The following GRM8 variants were observed in gnomAD, a reference collection of about 807,000 sequenced individuals.
GRM8 encodes glutamate metabotropic receptor 8, also known as metabotropic glutamate receptor 8.
In GRM8, 47 loss-of-function variants were observed where a neutral mutation model predicts 87.2. That is an observed-to-expected ratio of 0.54 (90% CI 0.43 to 0.69). The LOEUF (loss-of-function observed/expected upper bound fraction) is 0.69, where lower values mean the gene tolerates loss of function less well. GRM8 is among the 30% of genes least tolerant of loss of function. GRM8 has a pLI of 0.00. For synonymous variants in GRM8, 396 were observed against 404.5 expected (o/e 0.98, Z 0.25); for missense variants, 1,019 against 1,139.2 (o/e 0.89, Z 1.52).
Position 126,507,195 on chromosome 7 carries a change from G to A in GRM8, c.2430+25757C>T, listed in dbSNP as rs73722633. ...AGTGGTCCTCCTACTTTTACTTTCC[G>A]CAAGTAATTTTCTTGTGGCAATATG... is the stretch of plus-strand genomic sequence containing the variant. On this transcript the variant is annotated intron_variant, in intron 9 of 10. Transcript: ENST00000339582. Among the ~76,000 whole-genome samples, 960 of 152,074 alleles carry A rather than the reference G, an allele frequency of 6.3e-3. 5 individuals are homozygous for A. The highest frequency in any genetic ancestry group is 0.022 in the African/African-American group (915 of 41,506).
chr7:127,192,489 G>A (rs916464417), intron 2 of GRM8, among the ~76,000 whole-genome samples: 2 of 152,192 alleles, frequency 1.3e-5, no homozygotes, highest in Non-Finnish European at 2.9e-5. Flanking sequence ...CTGAGCTCCT[G>A]TGTGTTAATT....
intron 8 of GRM8, among the ~76,000 whole-genome samples, chr7:126,563,216 T>TA (rs1793890251): frequency 6.6e-6 from 1 of 152,188 alleles, no homozygotes; most frequent in Non-Finnish European, 1.5e-5. Flanking sequence ...ACAGTAATTT[T>TA]AAATTCTTGA....
chr7:127,001,355 AAT>A (rs1475006620), intron 3 of GRM8, among the ~76,000 whole-genome samples: 3 of 151,662 alleles, frequency 2.0e-5, no homozygotes, highest in African/African-American at 7.2e-5. Context: ...TTAATATAGA[AAT>A]ATAGACTATA....
intron 2 of GRM8, among the ~76,000 whole-genome samples, chr7:127,231,188 A>G (rs889881230): frequency 6.6e-6 from 1 of 152,192 alleles, no homozygotes. Context: ...AAGTTACAGA[A>G]GGAGAATAGG....
At chr7:126,448,342 T>C (rs550067090) in intron 9 of GRM8, among the ~76,000 whole-genome samples, 1 of 152,078 alleles carries the variant, frequency 6.6e-6, no homozygotes, top group Admixed American at 6.6e-5. Flanking sequence ...CTTAATCTGT[T>C]AGTCTTGCTA....
intron 7 of GRM8, among the ~76,000 whole-genome samples, chr7:126,611,827 C>T (rs1465949806): frequency 1.3e-5 from 2 of 152,156 alleles, no homozygotes; most frequent in African/African-American, 4.8e-5. Context: ...ATATCCAAGT[C>T]AAGAAAGCCT....
At chr7:126,994,955 G>C (rs890935452) in intron 3 of GRM8, among the ~76,000 whole-genome samples, 1 of 152,146 alleles carries the variant, frequency 6.6e-6, no homozygotes, top group African/African-American at 2.4e-5. Context: ...GTACTGTGCT[G>C]GCTTCAGGTC....
intron 6 of GRM8, among the ~76,000 whole-genome samples, chr7:126,835,075 C>CA (rs1330849500): frequency 0.014 from 1,179 of 84,436 alleles, 7 homozygotes; most frequent in African/African-American, 0.043. Context: ...AACTCTATCT[C>CA]AAAAAAAAAA....
intron 3 of GRM8, among the ~76,000 whole-genome samples, chr7:126,941,215 A>T (rs1806883750): frequency 1.3e-5 from 2 of 152,192 alleles, no homozygotes; most frequent in Admixed American, 6.5e-5. Context: ...TTTCAATCTC[A>T]GCAGAAACAA....
At chr7:126,759,157 C>T (rs986850683) in intron 7 of GRM8, among the ~76,000 whole-genome samples, 1 of 152,084 alleles carries the variant, frequency 6.6e-6, no homozygotes, top group Non-Finnish European at 1.5e-5. Context: ...CTCGGCCTCC[C>T]AAATTCTGGG....
intron 9 of GRM8, among the ~76,000 whole-genome samples, chr7:126,520,794 T>C (rs954739929): frequency 1.3e-5 from 2 of 152,116 alleles, no homozygotes; most frequent in African/African-American, 4.8e-5. Flanking sequence ...TATAATCCTA[T>C]GGTAGTGACT....
At chr7:126,682,408 G>A (rs533660136) in intron 7 of GRM8, among the ~76,000 whole-genome samples, 1 of 152,262 alleles carries the variant, frequency 6.6e-6, no homozygotes, top group South Asian at 2.1e-4. Flanking sequence ...AGATCATAAG[G>A]GAGGCTTTAT....
chr7:126,591,755 T>C (rs1796688901), intron 8 of GRM8, among the ~76,000 whole-genome samples: 1 of 147,418 alleles, frequency 6.8e-6, no homozygotes, highest in South Asian at 2.1e-4. Context: ...TCAAAGTTAG[T>C]AGAAGGAAGG....
intron 2 of GRM8, among the ~76,000 whole-genome samples, chr7:127,216,678 C>G (rs1384543539): frequency 1.3e-5 from 2 of 152,162 alleles, no homozygotes; most frequent in Non-Finnish European, 2.9e-5. Flanking sequence ...ACTCTGTGGC[C>G]TACAAGGAGG....
At chr7:126,453,835 G>T (rs1444455658) in intron 9 of GRM8, among the ~76,000 whole-genome samples, 1 of 151,654 alleles carries the variant, frequency 6.6e-6, no homozygotes, top group Non-Finnish European at 1.5e-5. Flanking sequence ...TAGTAAATAA[G>T]TAAACTGATG....
At chr7:126,956,474 C>T (rs1808693306) in intron 3 of GRM8, among the ~76,000 whole-genome samples, 1 of 152,164 alleles carries the variant, frequency 6.6e-6, no homozygotes. Context: ...TCAATTTGCT[C>T]TTTTTCAACA....
At chr7:126,463,922 G>A (rs1804191973) in intron 9 of GRM8, among the ~76,000 whole-genome samples, 1 of 151,506 alleles carries the variant, frequency 6.6e-6, no homozygotes, top group Non-Finnish European at 1.5e-5. Context: ...TAAATATAGT[G>A]TTTATATATA....
chr7:127,058,192 A>G (rs750425353), intron 3 of GRM8: 1 of 509,092 alleles, frequency 2.0e-6, no homozygotes, highest in Non-Finnish European at 4.0e-6. Context: ...ATATCATCAA[A>G]TTAAATTCAT....
At chr7:126,687,698 T>C (rs916758745) in intron 7 of GRM8, among the ~76,000 whole-genome samples, 2 of 151,198 alleles carry the variant, frequency 1.3e-5, no homozygotes, top group Non-Finnish European at 2.9e-5. Context: ...TTTAGGACAC[T>C]ACATGCCTCA....
Sources: allele counts gnomAD v4.1 joint callset (sites outside exome capture counted in the v4.1 genomes callset), GRCh38; gene constraint gnomAD v4.1.1; transcripts MANE v1.5; gene names NCBI Gene and HGNC (gene_info 2026-07-23, HGNC 2026-07-21).